The following FBXO11 variants were observed in gnomAD, a reference collection of about 807,000 sequenced individuals.
The protein encoded by FBXO11 is F-box only protein 11.
FBXO11 carries 13 observed loss-of-function variants against 117.0 expected under a neutral mutation model. The observed-to-expected ratio is 0.11, with a 90% CI of 0.07 to 0.18. FBXO11 has a LOEUF of 0.18. FBXO11 is among the 10% of genes least tolerant of loss of function. The pLI, the probability that FBXO11 is intolerant of heterozygous loss-of-function variation, is 1.00. For synonymous variants in FBXO11, 490 were observed against 380.5 expected (o/e 1.29, Z -3.35); for missense variants, 767 against 1,164.4 (o/e 0.66, Z 4.97).
chr2:47,858,839 T>G (rs190159974), intron 1 of FBXO11, among the ~76,000 whole-genome samples: 1 of 150,916 alleles, frequency 6.6e-6, no homozygotes, highest in Admixed American at 6.6e-5. Flanking sequence ...GGTCAGGAGT[T>G]CAAGACCAGG....
chr2:47,806,953 ACCATTTTT>A lies in FBXO11; in HGVS notation c.*1157_*1164del. ...TAATAAACTTTATTTTTTAAAAATG[ACCATTTTT>A]CCATTTTCTTTCTAGGAAATTAAAC... On this transcript the variant is annotated 3_prime_UTR_variant, in exon 23 of 23. Coordinates refer to ENST00000403359, the MANE Select transcript of FBXO11 (RefSeq NM_001190274.2). The A allele has an allele frequency of 1.0e-6, 1 of 990,120 alleles. No individual in the cohort carries two copies. Among genetic ancestry groups the A allele is most frequent in the Non-Finnish European group, 1.6e-6 (1 of 636,700 alleles). The allele number at this position is 990,120 out of a possible 1,614,324, so 61.3% of individuals were successfully genotyped here. A position where few individuals can be genotyped will look rare whatever the true frequency, so the allele number is the denominator to read the frequency against.
At chr2:47,846,970 C>G (rs1308415619) in intron 1 of FBXO11, among the ~76,000 whole-genome samples, 1 of 152,216 alleles carries the variant, frequency 6.6e-6, no homozygotes, top group Non-Finnish European at 1.5e-5. Context: ...GAAGGCTGGT[C>G]GTGGTGGCTC....
intron 1 of FBXO11, among the ~76,000 whole-genome samples, chr2:47,843,431 CTTTT>C (rs201381675): frequency 1.4e-5 from 2 of 138,938 alleles, no homozygotes; most frequent in African/African-American, 2.6e-5. Context: ...TGTAGTTAAT[CTTTT>C]TTTTTTTTTT....
intron 1 of FBXO11, among the ~76,000 whole-genome samples, chr2:47,844,785 C>T (rs190055354): frequency 2.0e-4 from 31 of 152,122 alleles, no homozygotes; most frequent in Admixed American, 5.9e-4. Flanking sequence ...CAGGTGTGCA[C>T]GCCACCATGC....
chr2:47,859,140 A>G (rs1674556169), intron 1 of FBXO11, among the ~76,000 whole-genome samples: 1 of 152,138 alleles, frequency 6.6e-6, no homozygotes, highest in African/African-American at 2.4e-5. Flanking sequence ...TCTTAATGGC[A>G]CTAACAGAAC....
intron 1 of FBXO11, among the ~76,000 whole-genome samples, chr2:47,851,895 G>A (rs1673890207): frequency 6.6e-6 from 1 of 151,960 alleles, no homozygotes; most frequent in Non-Finnish European, 1.5e-5. Context: ...ATTCACACAA[G>A]AAACAACTTT....
At chr2:47,881,790 G>T (rs997438701) in intron 1 of FBXO11, among the ~76,000 whole-genome samples, 4 of 151,744 alleles carry the variant, frequency 2.6e-5, no homozygotes, top group Non-Finnish European at 5.9e-5. Context: ...CTATCACCCA[G>T]GCTGGAGTGC....
intron 1 of FBXO11, among the ~76,000 whole-genome samples, chr2:47,879,564 T>C (rs1382958548): frequency 6.6e-6 from 1 of 152,244 alleles, no homozygotes; most frequent in African/African-American, 2.4e-5. Flanking sequence ...TATCGATTCA[T>C]ATCTTTGCTC....
At chr2:47,832,939 T>C in intron 8 of FBXO11, 25 bp downstream of exon 8, 1 of 1,601,238 alleles carries the variant, frequency 6.2e-7, no homozygotes, top group Non-Finnish European at 8.6e-7. Flanking sequence ...TTTCAATGTG[T>C]ATTTTAAATC....
intron 1 of FBXO11, among the ~76,000 whole-genome samples, chr2:47,885,866 C>G (rs1276057316): frequency 2.0e-5 from 3 of 152,188 alleles, no homozygotes; most frequent in Non-Finnish European, 2.9e-5. Flanking sequence ...CCCTCCTTTC[C>G]TCTATCTGTG....
intron 1 of FBXO11, among the ~76,000 whole-genome samples, chr2:47,887,256 G>C (rs1266791583): frequency 1.4e-5 from 2 of 147,162 alleles, no homozygotes; most frequent in Admixed American, 6.8e-5. Context: ...TCGCACTCCA[G>C]CCTGGGCAAC....
chr2:47,808,844 G>C (rs1260803848), intron 21 of FBXO11: 5 of 267,832 alleles, frequency 1.9e-5, no homozygotes, highest in Non-Finnish European at 3.5e-5. Context: ...TGTAGCATTA[G>C]GTTTTTCCAT....
At position 47,905,641 on chromosome 2, in the gene FBXO11, GGCTGCT is replaced by G; in HGVS notation, c.74_79del (p.Gln25_Gln26del). ...CGGCTGCGGCGGCGGCTGCTGCGGGGGCTGCTGCTGCTGTTGCTGCACCGGGCGCGG... is the reference window on the plus strand; with the variant it reads ...CGGCTGCGGCGGCGGCTGCTGCGGGGGCTGCTGTTGCTGCACCGGGCGCGG... On this transcript the variant is annotated inframe_deletion, in exon 1 of 23. Coordinates refer to ENST00000403359, the MANE Select transcript of FBXO11 (RefSeq NM_001190274.2). The G allele has an allele frequency of 7.0e-7, 1 of 1,433,896 alleles. No individual in the cohort carries two copies. 88.8% of individuals were successfully genotyped at this position (1,433,896 alleles called of 1,614,324 possible).
Position 47,895,115 on chromosome 2 carries a change from T to C in FBXO11, c.232+10374A>G, listed in dbSNP as rs191564020. ...TTGAGAAAATATCAGCAATGATATA[T>C]GCTGAGGTATAAAACTCACACGGAA... On this transcript the variant is annotated intron_variant, in intron 1 of 22. Transcript: ENST00000403359. Among the ~76,000 whole-genome samples the C allele has an allele frequency of 1.1e-3, 174 of 152,294 alleles. 3 individuals are homozygous for C. The South Asian group carries it at 0.017, about 15-fold the overall frequency.
chr2:47,825,397 T>C (rs746391625), intron 11 of FBXO11, among the ~76,000 whole-genome samples: 24 of 151,992 alleles, frequency 1.6e-4, no homozygotes, highest in Non-Finnish European at 3.4e-4. Flanking sequence ...TACACTGTTA[T>C]GGCAAAACTG....
At chr2:47,842,779 TAAA>T (rs34363506) in intron 1 of FBXO11, among the ~76,000 whole-genome samples, 7 of 134,034 alleles carry the variant, frequency 5.2e-5, no homozygotes, top group Non-Finnish European at 6.5e-5. Context: ...AATTTTTCTT[TAAA>T]AAAAAAAAAA....
At chr2:47,810,016 C>G (rs1670505304) in intron 19 of FBXO11, 1 of 488,836 alleles carries the variant, frequency 2.0e-6, no homozygotes, top group Non-Finnish European at 3.6e-6. Context: ...CTGGTAAATT[C>G]ATCTGAGGAA....
intron 11 of FBXO11, among the ~76,000 whole-genome samples, chr2:47,824,019 G>C (rs1375818850): frequency 2.0e-5 from 3 of 151,936 alleles, no homozygotes; most frequent in African/African-American, 7.3e-5. Context: ...AAATGTTTTA[G>C]CAAAACAAAG....
chr2:47,837,333 C>T (rs1238843934), intron 4 of FBXO11, among the ~76,000 whole-genome samples: 2 of 152,122 alleles, frequency 1.3e-5, no homozygotes, highest in Non-Finnish European at 2.9e-5. Context: ...TCAAGACCAG[C>T]CTAGCCAACA....
Sources: allele counts gnomAD v4.1 joint callset (sites outside exome capture counted in the v4.1 genomes callset), GRCh38; gene constraint gnomAD v4.1.1; transcripts MANE v1.5; gene names NCBI Gene and HGNC (gene_info 2026-07-23, HGNC 2026-07-21).